The following STK35 variants were observed in gnomAD, a reference collection of about 807,000 sequenced individuals.
The protein encoded by STK35 is serine/threonine-protein kinase 35.
In STK35, 17 loss-of-function variants were observed where a neutral mutation model predicts 37.3. The observed-to-expected ratio is 0.46, with a 90% CI of 0.31 to 0.68. STK35 has a LOEUF of 0.68. Ranked by LOEUF, STK35 falls within the 30% of genes least tolerant of loss-of-function variation. The pLI is 0.05. For synonymous variants in STK35, 385 were observed against 319.1 expected, an observed-to-expected ratio of 1.21 and a Z score of -2.20; for missense variants, 595 against 746.7, an observed-to-expected ratio of 0.80 and a Z score of 2.37.
intron 1 of STK35, 73 bp from the exon 2 acceptor site, chr20:2,102,695 G>A (rs1255485391): frequency 1.6e-6 from 2 of 1,278,292 alleles, no homozygotes; most frequent in Non-Finnish European, 2.0e-6. Flanking sequence ...AGGAGGAGGT[G>A]GGACGCCCCG....
At chr20:2,112,225 C>T (rs1270463454) in intron 2 of STK35, among the ~76,000 whole-genome samples, 1 of 152,298 alleles carries the variant, frequency 6.6e-6, no homozygotes, top group East Asian at 1.9e-4. Flanking sequence ...CTCCTACTGG[C>T]TTGTCTTTAT....
At chr20:2,102,299 C>A in intron 1 of STK35, 124 bp downstream of exon 1, 1 of 1,268,702 alleles carries the variant, frequency 7.9e-7, no homozygotes, top group Non-Finnish European at 1.0e-6. Flanking sequence ...AACTTTTCAG[C>A]CAATCCCTTC....
intron 3 of STK35, among the ~76,000 whole-genome samples, chr20:2,138,075 C>T (rs975852394): frequency 6.6e-6 from 1 of 152,174 alleles, no homozygotes; most frequent in Non-Finnish European, 1.5e-5. Context: ...ATTCAGTTTG[C>T]ACGGCAGCTA....
chr20:2,114,851 G>A lies in STK35; in HGVS notation c.893-1815G>A, dbSNP rs75780923. Among the ~76,000 whole-genome samples the A allele has an allele frequency of 7.3e-3, 1,110 of 152,240 alleles. 14 individuals are homozygous for A. The highest frequency in any genetic ancestry group is 0.025 in the African/African-American group (1,030 of 41,546). Reference sequence around the variant, plus strand: ...AGAAGTTTCAGTGTTTTCTGATGTGGCCTTTGCAAAAGGAATTGGATGGCT... The same window carrying A: ...AGAAGTTTCAGTGTTTTCTGATGTGACCTTTGCAAAAGGAATTGGATGGCT... On this transcript the variant is annotated intron_variant, in intron 2 of 3. Transcript: ENST00000381482.
chr20:2,129,069 C>T (rs976483055), intron 3 of STK35, among the ~76,000 whole-genome samples: 3 of 152,268 alleles, frequency 2.0e-5, no homozygotes, highest in Non-Finnish European at 1.5e-5. Flanking sequence ...GTGATCCACC[C>T]GCCTCGGCCT....
At chr20:2,125,159 G>A (rs1381073654) in intron 3 of STK35, among the ~76,000 whole-genome samples, 1 of 152,154 alleles carries the variant, frequency 6.6e-6, no homozygotes, top group East Asian at 1.9e-4. Flanking sequence ...AGTGGCTCTT[G>A]TAATCGTCCA....
chr20:2,143,635 G>T, intron 3 of STK35, 149 bp from the exon 4 acceptor site: 1 of 226,252 alleles, frequency 4.4e-6, no homozygotes, highest in Non-Finnish European at 8.8e-6. Flanking sequence ...AATAAGACCA[G>T]GGAGGTTGTG....
intron 3 of STK35, among the ~76,000 whole-genome samples, chr20:2,127,794 C>G (rs940321016): frequency 6.6e-6 from 1 of 152,144 alleles, no homozygotes; most frequent in African/African-American, 2.4e-5. Flanking sequence ...CAGACTCGCT[C>G]CTGCTCTTAG....
chr20:2,109,822 G>A (rs1047881271), intron 2 of STK35, among the ~76,000 whole-genome samples: 1 of 152,242 alleles, frequency 6.6e-6, no homozygotes, highest in African/African-American at 2.4e-5. Context: ...AGTGTTCTAA[G>A]AAATTTGCCC....
Position 2,102,071 on chromosome 20 carries a change from C to T in STK35, c.190C>T (p.Arg64Cys). The T allele has an allele frequency of 3.9e-6, 6 of 1,521,784 alleles. No homozygotes were observed. Among genetic ancestry groups the T allele is most frequent in the South Asian group, 1.2e-5 (1 of 82,904 alleles). 94.3% of individuals were successfully genotyped at this position (1,521,784 alleles called of 1,614,324 possible). A position where few individuals can be genotyped will look rare whatever the true frequency, so the allele number is the denominator to read the frequency against. Residue 64 changes from arginine to cysteine, a missense_variant, in exon 1 of 4, where the codon CGC (arginine) becomes TGC (cysteine). Around this residue, in one of 3 missense-constraint regions of STK35, gnomAD observed 389 missense variants for 320.0 expected, o/e 1.22. Transcript: ENST00000381482. ...ATRRARAATS[R>C]AARSRRQPGP... is the part of the protein sequence containing the mutation. ...ACGCCGGGCTCGGGCCGCCACCTCC[C>T]GCGCTGCTCGGTCCCGGAGGCAGCC...
intron 3 of STK35, among the ~76,000 whole-genome samples, chr20:2,125,354 G>A (rs1467467805): frequency 1.3e-5 from 2 of 152,166 alleles, no homozygotes; most frequent in African/African-American, 2.4e-5. Flanking sequence ...CACTTTACAT[G>A]TATCATTATC....
chr20:2,122,457 G>T (rs965713779), intron 3 of STK35, among the ~76,000 whole-genome samples: 1 of 152,214 alleles, frequency 6.6e-6, no homozygotes, highest in South Asian at 2.1e-4. Flanking sequence ...GGACTAACTA[G>T]TTTCAGTTTT....
Position 2,102,137 on chromosome 20 carries a change from G to C in STK35, c.256G>C (p.Gly86Arg). ...CCATCCCCAGGCAGGGGCTCCAGGG[G>C]GGAAACGGGCCGCCCGGAAGTGGAG... The part of the protein sequence containing the change: ...ADHPQAGAPG[G>R]KRAARKWRCA... The change falls in exon 1 of 4, where the codon GGG becomes CGG. Residue 86 changes from glycine (G) to arginine (R), a missense_variant. Coordinates refer to ENST00000381482, the MANE Select transcript of STK35 (RefSeq NM_080836.4). The C allele has an allele frequency of 7.2e-7, 1 of 1,398,474 alleles. No individual in the cohort carries two copies. The allele number at this position is 1,398,474 out of a possible 1,614,324, so 86.6% of individuals were successfully genotyped here.
chr20:2,127,048 T>G (rs983214101), intron 3 of STK35, among the ~76,000 whole-genome samples: 1 of 152,142 alleles, frequency 6.6e-6, no homozygotes, highest in African/African-American at 2.4e-5. Context: ...AATGGTCACC[T>G]TTATTTTTTT....
At chr20:2,128,852 T>G (rs1221300053) in intron 3 of STK35, among the ~76,000 whole-genome samples, 4 of 150,958 alleles carry the variant, frequency 2.6e-5, no homozygotes, top group African/African-American at 7.3e-5. Context: ...CTGTGGGGGG[T>G]TTTTTTTGAG....
intron 2 of STK35, among the ~76,000 whole-genome samples, chr20:2,115,945 C>G (rs1275546668): frequency 6.6e-6 from 1 of 151,988 alleles, no homozygotes; most frequent in Non-Finnish European, 1.5e-5. Flanking sequence ...GATGTACATT[C>G]AGATCTGGCG....
chr20:2,116,088 T>G (rs1272338233), intron 2 of STK35, among the ~76,000 whole-genome samples: 1 of 152,168 alleles, frequency 6.6e-6, no homozygotes, highest in Non-Finnish European at 1.5e-5. Context: ...GTTATGTACC[T>G]AACTTGTGCT....
intron 3 of STK35, among the ~76,000 whole-genome samples, chr20:2,132,973 T>A (rs1487984735): frequency 1.3e-5 from 2 of 152,244 alleles, no homozygotes; most frequent in Non-Finnish European, 2.9e-5. Context: ...ATTGCCCCCA[T>A]CCTGCTATTT....
At chr20:2,123,175 C>T (rs926874451) in intron 3 of STK35, among the ~76,000 whole-genome samples, 5 of 152,144 alleles carry the variant, frequency 3.3e-5, no homozygotes, top group South Asian at 2.1e-4. Flanking sequence ...CCAAAGCCCT[C>T]GAATGACGTC....
Sources: allele counts gnomAD v4.1 joint callset (sites outside exome capture counted in the v4.1 genomes callset), GRCh38; gene constraint gnomAD v4.1.1; regional missense constraint gnomAD v4.1.1; transcripts MANE v1.5; gene names NCBI Gene and HGNC (gene_info 2026-07-23, HGNC 2026-07-21).